Variants in HYAL1 observed in about 807,000 individuals in gnomAD.
HYAL1 encodes hyaluronidase 1.
In HYAL1, 21 loss-of-function variants were observed where a neutral mutation model predicts 28.8. The ratio of observed to expected loss-of-function variants is 0.73; its 90% CI spans 0.52 to 1.05. The LOEUF is 1.05. Ranked by LOEUF, HYAL1 falls within the 50% of genes least tolerant of loss-of-function variation. The pLI is 0.00. For synonymous variants in HYAL1, 200 were observed against 230.1 expected, an observed-to-expected ratio of 0.87 and a Z score of 1.18; for missense variants, 491 against 579.2, an observed-to-expected ratio of 0.85 and a Z score of 1.56.
chr3:50,307,798 CTTTT>C (rs782024439), upstream of HYAL1, among the ~76,000 whole-genome samples: 11 of 135,108 alleles, frequency 8.1e-5, no homozygotes, highest in Admixed American at 7.4e-5. Flanking sequence ...AACCCAAAAA[CTTTT>C]TTTTTTTTTT....
In HYAL1 at chr3:50,303,266, G is replaced by A. The variant is rs587650355; in HGVS notation, c.-25+200C>T. 1.3e-5 allele frequency: 4 copies of A among 302,762 alleles called. No homozygotes were observed. In the South Asian group the frequency reaches 3.2e-4, roughly 24 times the overall value. The allele number at this position is 302,762 out of a possible 1,614,324, so 18.8% of individuals were successfully genotyped here. A position where few individuals can be genotyped will look rare whatever the true frequency, so the allele number is the denominator to read the frequency against. On this transcript the variant is annotated intron_variant, in intron 1 of 3. Transcript: ENST00000395144. ...CTTCCCCATGAGCCACTGAGGCCAT[G>A]ACATATGTTCTGGGAAGAGTGGCTG...
At chr3:50,304,272 C>A (rs1559822405), upstream of HYAL1, among the ~76,000 whole-genome samples, 1 of 3,880 alleles carries the variant, frequency 2.6e-4, no homozygotes, top group Non-Finnish European at 1.1e-3. Context: ...GCGACTCCAT[C>A]TCAAAAAAAA....
At chr3:50,308,335 T>G (rs1168227813), upstream of HYAL1, among the ~76,000 whole-genome samples, 1 of 150,682 alleles carries the variant, frequency 6.6e-6, no homozygotes, top group Non-Finnish European at 1.5e-5. Flanking sequence ...GCATATTGGC[T>G]TGGCTGGTCT....
chr3:50,307,036 C>A (rs1553714078), upstream of HYAL1, among the ~76,000 whole-genome samples: 3 of 150,222 alleles, frequency 2.0e-5, no homozygotes, highest in African/African-American at 7.5e-5. Flanking sequence ...CGCCACTGCC[C>A]TCTAGCCTGG....
Position 50,302,002 on chromosome 3 carries a change from G to A in HYAL1, c.900+55C>T. The A allele has an allele frequency of 6.4e-7, 1 of 1,562,998 alleles. No homozygotes were observed. Among genetic ancestry groups the A allele is most frequent in the Non-Finnish European group, 8.8e-7 (1 of 1,133,428 alleles). On this transcript the variant is annotated intron_variant, in intron 2 of 3. Transcript: ENST00000395144. This position sits in a 1 kb window ranked among gnomAD's most constrained non-coding sequence, Gnocchi z 5.0. ...CCAAAGCTAAAGTACCCCAAGGCTG[G>A]ACCTAATATCTGACAAGGCAGGTTG...
upstream of HYAL1, among the ~76,000 whole-genome samples, chr3:50,307,087 C>T (rs947193019): frequency 6.8e-6 from 1 of 146,578 alleles, no homozygotes; most frequent in East Asian, 2.0e-4. Flanking sequence ...AAAAAATAAG[C>T]CGGGTGCAGT....
chr3:50,302,566 C>T lies in HYAL1; in HGVS notation c.391G>A (p.Glu131Lys), dbSNP rs1553713269. Residue 131 changes from glutamate to lysine, a missense_variant, in exon 2 of 4, where the codon GAG becomes AAG. Physicochemically the swap from Glu to Lys is moderately conservative, Grantham distance 56. Coordinates refer to ENST00000395144, the MANE Select transcript of HYAL1 (RefSeq NM_033159.4). This position sits in a 1 kb window ranked among gnomAD's most constrained non-coding sequence, Gnocchi z 5.0. ...AAGGCCCAGCGTGGGCGCCATGCCTCCCAGTCGATGACTGCCAGCCCTGAG... is the reference window on the plus strand; with the variant it reads ...AAGGCCCAGCGTGGGCGCCATGCCTTCCAGTCGATGACTGCCAGCCCTGAG... Reference protein sequence around the residue: ...DFSGLAVIDWEAWRPRWAFNW... With the variant: ...DFSGLAVIDWKAWRPRWAFNW... 6.2e-7 allele frequency: 1 copy of T among 1,614,028 alleles called. No individual in the cohort carries two copies. The highest frequency in any genetic ancestry group is 1.3e-5 in the African/African-American group (1 of 74,916).
At chr3:50,310,296 G>A (rs1335334810) in intron 1 of HYAL1, among the ~76,000 whole-genome samples, 8 of 131,370 alleles carry the variant, frequency 6.1e-5, no homozygotes, top group South Asian at 2.3e-4. Flanking sequence ...ACAGAGTCCC[G>A]CTCTGTCACT....
intron 2 of HYAL1, among the ~76,000 whole-genome samples, chr3:50,301,635 G>A (rs1458655577): frequency 7.1e-5 from 9 of 126,592 alleles, no homozygotes; most frequent in African/African-American, 1.9e-4. Flanking sequence ...AAAAAAAAAA[G>A]GATGAATGAA....
Position 50,303,563 on chromosome 3 carries a change from C to A in HYAL1, c.-122G>T, listed in dbSNP as rs1326693218. On this transcript the variant is annotated 5_prime_UTR_variant, in exon 1 of 4. Coordinates refer to ENST00000395144, the MANE Select transcript of HYAL1 (RefSeq NM_033159.4). Reference sequence around the variant, plus strand: ...TTCCACCCCAGCTGCACCAGAGACTCCTGGAGGAAGGAGCCGCTGCTGGAA... The same window carrying A: ...TTCCACCCCAGCTGCACCAGAGACTACTGGAGGAAGGAGCCGCTGCTGGAA... 6.6e-6 allele frequency: 1 copy of A among 152,404 alleles called. No homozygotes were observed. Among genetic ancestry groups the A allele is most frequent in the Non-Finnish European group, 1.5e-5 (1 of 68,160 alleles). The allele number at this position is 152,404 out of a possible 1,614,324, so 9.4% of individuals were successfully genotyped here. A position where few individuals can be genotyped will look rare whatever the true frequency, so the allele number is the denominator to read the frequency against.
At chr3:50,311,903 C>T (rs1184778638) in intron 1 of HYAL1, among the ~76,000 whole-genome samples, 1 of 149,630 alleles carries the variant, frequency 6.7e-6, no homozygotes, top group Non-Finnish European at 1.5e-5. Flanking sequence ...GGCTGATCCC[C>T]CCTCCCCTCA....
upstream of HYAL1, among the ~76,000 whole-genome samples, chr3:50,308,487 A>G (rs1702382807): frequency 6.8e-6 from 1 of 146,512 alleles, no homozygotes; most frequent in Admixed American, 6.8e-5. Context: ...TCGCTCTGTC[A>G]CCCAGGCTGG....
At chr3:50,305,746 GGC>G (rs757818927), upstream of HYAL1, among the ~76,000 whole-genome samples, 27 of 150,914 alleles carry the variant, frequency 1.8e-4, no homozygotes, top group Non-Finnish European at 3.1e-4. Context: ...ATATTGGCCA[GGC>G]TGGTCTTGAA....
At chr3:50,306,069 A>G (rs141351484), upstream of HYAL1, among the ~76,000 whole-genome samples, 21 of 151,236 alleles carry the variant, frequency 1.4e-4, 1 homozygote, top group East Asian at 4.1e-3. Flanking sequence ...TTGACTTTTG[A>G]CTAATTGCCT....
rs112522560 is a variant in HYAL1 at position 50,308,753 on chromosome 3, C to T, written c.-191+906G>A. 6.2e-3 allele frequency among the ~76,000 whole-genome samples: 410 copies of T among 66,248 alleles called. 16 individuals carry two copies. Among genetic ancestry groups the T allele is most frequent in the African/African-American group, 0.025 (388 of 15,674 alleles). 43.5% of individuals were successfully genotyped at this position (66,248 alleles called of 152,430 possible). ...CCTGGCCTTTTTTTTTTTTTTTAGA[C>T]GAAGTCTCACTCTGTCACCCAGGCT... On this transcript the variant is annotated intron_variant, in intron 2 of 5. Coordinates refer to the HYAL1 transcript ENST00000320295.
Position 50,310,739 on chromosome 3 carries a change from ACCCCACGGCCTTCCGCAG to A in HYAL1, c.-309-980_-309-963del, listed in dbSNP as rs1702428484. Among the ~76,000 whole-genome samples, 3 of 149,822 alleles carry A rather than the reference ACCCCACGGCCTTCCGCAG, an allele frequency of 2.0e-5. No homozygotes were observed. In the South Asian group the frequency reaches 6.4e-4, roughly 32 times the overall value. ...GGTCTCTGGTTTTCCTAGGCAGAGG[ACCCCACGGCCTTCCGCAG>A]TGTTTGTGTCCCTGGGTACTTGAGA... On this transcript the variant is annotated intron_variant, in intron 1 of 5. Coordinates refer to the HYAL1 transcript ENST00000320295.
upstream of HYAL1, among the ~76,000 whole-genome samples, chr3:50,307,798 CTTT>C (rs782024439): frequency 1.5e-5 from 2 of 135,084 alleles, no homozygotes; most frequent in East Asian, 2.1e-4. Context: ...AACCCAAAAA[CTTT>C]TTTTTTTTTT....
At chr3:50,310,991 C>A (rs1339452661) in intron 1 of HYAL1, among the ~76,000 whole-genome samples, 2 of 152,142 alleles carry the variant, frequency 1.3e-5, no homozygotes, top group African/African-American at 2.4e-5. Context: ...AAGTCTCCCA[C>A]GTCTACATCT....
rs587600356 is a variant in HYAL1 at position 50,312,318 on chromosome 3, G to A, written c.-364C>T. The A allele has an allele frequency of 4.8e-3, 846 of 174,694 alleles. 7 individuals carry two copies. Among genetic ancestry groups the A allele is most frequent in the African/African-American group, 0.019 (793 of 41,652 alleles). 10.8% of individuals were successfully genotyped at this position (174,694 alleles called of 1,614,324 possible). On this transcript the variant is annotated 5_prime_UTR_variant, in exon 1 of 6. Transcript: ENST00000320295. ...GGGCTCCTCACTTCTCAGACGGGGC[G>A]GCCAGGGAGAGACGCTCCTCACATC...
Sources: allele counts gnomAD v4.1 joint callset (sites outside exome capture counted in the v4.1 genomes callset), GRCh38; gene constraint gnomAD v4.1.1; non-coding constraint Gnocchi (gnomAD v3.1); transcripts MANE v1.5; gene names NCBI Gene and HGNC (gene_info 2026-07-23, HGNC 2026-07-21).